ATG14: variants seen among roughly 807,000 people sequenced by gnomAD.
ATG14 encodes the protein autophagy related 14, also known as beclin 1-associated autophagy-related key regulator.
ATG14 carries 35 observed loss-of-function variants against 60.4 expected under a neutral mutation model. The observed-to-expected ratio is 0.58, with a 90% CI of 0.44 to 0.77. ATG14 has a LOEUF of 0.77. Ranked by LOEUF, ATG14 falls within the 30% of genes least tolerant of loss-of-function variation. The pLI is 0.00. For synonymous variants in ATG14, 234 were observed against 228.8 expected (o/e 1.02, Z -0.21); for missense variants, 647 against 626.3 (o/e 1.03, Z -0.35).
chr14:55,393,190 G>C (rs541162585), intron 3 of ATG14, among the ~76,000 whole-genome samples: 3 of 151,800 alleles, frequency 2.0e-5, no homozygotes, highest in South Asian at 2.1e-4. Flanking sequence ...GACCATCCTG[G>C]CTAACACGGT....
At chr14:55,371,728 CCA>C (rs1228936431) in intron 9 of ATG14, among the ~76,000 whole-genome samples, 3 of 152,002 alleles carry the variant, frequency 2.0e-5, no homozygotes, top group African/African-American at 4.8e-5. Context: ...GGTGTGAACC[CCA>C]GAGGCGGAGC....
At chr14:55,387,657 G>A (rs1024883367) in intron 4 of ATG14, among the ~76,000 whole-genome samples, 3 of 152,042 alleles carry the variant, frequency 2.0e-5, no homozygotes, top group East Asian at 1.9e-4. Context: ...TTGGTTGCAC[G>A]CATTAGATTT....
intron 4 of ATG14, 133 bp downstream of exon 4, chr14:55,390,778 G>A: frequency 1.5e-6 from 1 of 645,458 alleles, no homozygotes; most frequent in Non-Finnish European, 2.7e-6. Flanking sequence ...AAAGATGAGG[G>A]CGAGTAGTAA....
At chr14:55,395,905 A>T (rs1346252297) in intron 3 of ATG14, 35 bp downstream of exon 3, 1 of 1,459,988 alleles carries the variant, frequency 6.8e-7, no homozygotes, top group Non-Finnish European at 9.1e-7. Flanking sequence ...AAAAACATGT[A>T]GCCTCAAGTA....
Position 55,395,171 on chromosome 14 carries a change from C to T in ATG14, c.327+769G>A, listed in dbSNP as rs184821330. On this transcript the variant is annotated intron_variant, in intron 3 of 9. Coordinates refer to ENST00000247178, the MANE Select transcript of ATG14 (RefSeq NM_014924.5). ...GAGCAGGTTCAGCTGATAAGCGTGC[C>T]GATCTCCTCTTGGGCTCTTCCTCTG... 72 of 455,718 alleles carry T rather than the reference C, an allele frequency of 1.6e-4. No individual in the cohort carries two copies. The East Asian group carries it at 4.8e-3, about 31-fold the overall frequency. 28.2% of individuals were successfully genotyped at this position (455,718 alleles called of 1,614,324 possible).
chr14:55,405,883 G>A (rs1402774520), intron 1 of ATG14, among the ~76,000 whole-genome samples: 2 of 151,990 alleles, frequency 1.3e-5, no homozygotes, highest in African/African-American at 2.4e-5. Context: ...CCTGGGGGTG[G>A]GGTGGCGGGG....
At position 55,391,348 on chromosome 14, in the gene ATG14, T is replaced by C. The variant is rs182250085; in HGVS notation, c.328-356A>G. On this transcript the variant is annotated intron_variant, in intron 3 of 9. Coordinates refer to ENST00000247178, the MANE Select transcript of ATG14 (RefSeq NM_014924.5). ...AAAATTAGCTGGGCGTGGTGGCGCA[T>C]GCCTGTAATCCCAGCTACTCGGGAG... 3.3e-4 allele frequency: 57 copies of C among 171,308 alleles called. 1 individual carries two copies. In the South Asian group the frequency reaches 6.7e-3, roughly 20 times the overall value. 10.6% of individuals were successfully genotyped at this position (171,308 alleles called of 1,614,324 possible). A position where few individuals can be genotyped will look rare whatever the true frequency, so the allele number is the denominator to read the frequency against.
chr14:55,366,559 A>G lies in ATG14; in HGVS notation c.*3060T>C, dbSNP rs1474791087. On this transcript the variant is annotated 3_prime_UTR_variant, in exon 10 of 10. Coordinates refer to ENST00000247178, the MANE Select transcript of ATG14 (RefSeq NM_014924.5). Reference sequence around the variant, plus strand: ...AGCATGCCACTGAATGCTCTTCCCCAAATTGAGTCCTTACATGAGTCCCGT... The same window carrying G: ...AGCATGCCACTGAATGCTCTTCCCCGAATTGAGTCCTTACATGAGTCCCGT... 1 of 152,518 alleles carries G rather than the reference A, an allele frequency of 6.6e-6. No homozygotes were observed. Among genetic ancestry groups the G allele is most frequent in the South Asian group, 2.1e-4 (1 of 4,822 alleles). The allele number at this position is 152,518 out of a possible 1,614,324, so 9.4% of individuals were successfully genotyped here.
intron 1 of ATG14, among the ~76,000 whole-genome samples, chr14:55,407,528 G>C (rs1048069610): frequency 1.3e-5 from 2 of 152,222 alleles, no homozygotes; most frequent in African/African-American, 2.4e-5. Context: ...GCCTCCCAAA[G>C]TGCTGGGATT....
rs139612464 is a variant in ATG14, at chr14:55,387,691, C to T, written c.410-1595G>A. Among the ~76,000 whole-genome samples, 71 of 152,168 alleles carry T rather than the reference C, an allele frequency of 4.7e-4. No individual in the cohort carries two copies. The East Asian group carries it at 8.8e-3, about 19-fold the overall frequency. On this transcript the variant is annotated intron_variant, in intron 4 of 9. Coordinates refer to ENST00000247178, the MANE Select transcript of ATG14 (RefSeq NM_014924.5). ...TTCTGACAGTTTTTTCGTTTTGAGA[C>T]GGAGTTTCGCTCTTGTTGCCCAGGC...
intron 1 of ATG14, among the ~76,000 whole-genome samples, chr14:55,410,000 A>G (rs570798914): frequency 8.2e-4 from 124 of 152,014 alleles, no homozygotes; most frequent in Non-Finnish European, 1.1e-3. Context: ...TTGTTGTAAG[A>G]TAAGTTTTGA....
intron 1 of ATG14, among the ~76,000 whole-genome samples, chr14:55,398,567 C>A (rs996733868): frequency 1.3e-5 from 2 of 152,098 alleles, no homozygotes; most frequent in Non-Finnish European, 2.9e-5. Flanking sequence ...GATATACAGG[C>A]TTTTCTAGGT....
At position 55,411,815 on chromosome 14, in the gene ATG14, G is replaced by A. The variant is rs369886245; in HGVS notation, c.8C>T (p.Ser3Phe). 7.5e-6 allele frequency: 12 copies of A among 1,593,820 alleles called. No individual in the cohort carries two copies. The South Asian group carries it at 7.9e-5, about 11-fold the overall frequency. Reference sequence around the variant, plus strand: ...CGCCCGGGCTCCCTTCCCACTGGGAGACGCCATGATGGCCTGAGAGGAGAG... The same window carrying A: ...CGCCCGGGCTCCCTTCCCACTGGGAAACGCCATGATGGCCTGAGAGGAGAG... The part of the protein sequence containing the change: MA[S>F]PSGKGARALE... The change falls in exon 1 of 10, where the codon TCT (serine) becomes TTT (phenylalanine). Residue 3 changes from serine (S) to phenylalanine (F), a missense_variant. By Grantham distance (155) the Ser-to-Phe change is radical. Coordinates refer to ENST00000247178, the MANE Select transcript of ATG14 (RefSeq NM_014924.5).
chr14:55,390,921 T>G lies in ATG14; in HGVS notation c.399A>C (p.Glu133Asp). The change falls in exon 4 of 10, where the codon GAA becomes GAC. Residue 133 changes from glutamate to aspartate, a missense_variant. By Grantham distance (45) the Glu-to-Asp change is conservative (BLOSUM62 2). Coordinates refer to ENST00000247178, the MANE Select transcript of ATG14 (RefSeq NM_014924.5). Reference protein sequence around the residue: ...LKQTICKGNEEMEKNSEGLLK... With the variant: ...LKQTICKGNEDMEKNSEGLLK... ...ACACGAATTACTTACTTTTCTCCATTTCTTCATTTCCTTTACATATTGTTT... is the reference window on the plus strand; with the variant it reads ...ACACGAATTACTTACTTTTCTCCATGTCTTCATTTCCTTTACATATTGTTT... 6.3e-7 allele frequency: 1 copy of G among 1,595,036 alleles called. No individual in the cohort carries two copies. The highest frequency in any genetic ancestry group is 8.6e-7 in the Non-Finnish European group (1 of 1,166,778).
chr14:55,382,889 G>A (rs1885059546), intron 5 of ATG14, among the ~76,000 whole-genome samples: 1 of 151,956 alleles, frequency 6.6e-6, no homozygotes, highest in Non-Finnish European at 1.5e-5. Flanking sequence ...GAAATACTGA[G>A]AAAAATATAA....
In ATG14 at chr14:55,382,103, G is replaced by A. The variant is rs770721028; in HGVS notation, c.736C>T (p.Leu246Phe). The A allele has an allele frequency of 3.5e-5, 57 of 1,614,092 alleles. No individual in the cohort carries two copies. Among genetic ancestry groups the A allele is most frequent in the Non-Finnish European group, 4.8e-5 (57 of 1,180,012 alleles). ...TCGTCACAGACCCATCGTCCTGAGA[G>A]GTAAGTTGTCCTCCGGGCTTCAGCA... is the stretch of plus-strand genomic sequence containing the variant. ...KLAEARRTTY[L>F]SGRWVCDDHN... Residue 246 changes from leucine (L) to phenylalanine (F), a missense_variant, in exon 6 of 10, where the codon CTC becomes TTC. Transcript: ENST00000247178.
intron 7 of ATG14, among the ~76,000 whole-genome samples, chr14:55,378,726 T>C (rs561677654): frequency 3.3e-5 from 5 of 152,182 alleles, no homozygotes; most frequent in Admixed American, 2.0e-4. Context: ...TTAGGCAGGG[T>C]CTCACTCTGT....
At position 55,369,430 on chromosome 14, in the gene ATG14, T is replaced by C; in HGVS notation, c.*189A>G. ...CCTGTTCTCTTAATTATCATAAGCA[T>C]GTTGGTCACCATCACAGGCCACTTG... On this transcript the variant is annotated 3_prime_UTR_variant, in exon 10 of 10. Coordinates refer to ENST00000247178, the MANE Select transcript of ATG14 (RefSeq NM_014924.5). 2.1e-6 allele frequency: 1 copy of C among 486,424 alleles called. No individual in the cohort carries two copies. The highest frequency in any genetic ancestry group is 3.5e-6 in the Non-Finnish European group (1 of 288,280). 30.1% of individuals were successfully genotyped at this position (486,424 alleles called of 1,614,324 possible).
chr14:55,397,262 C>A, intron 2 of ATG14, 110 bp downstream of exon 2: 1 of 956,650 alleles, frequency 1.0e-6, no homozygotes, highest in Non-Finnish European at 1.7e-6. Context: ...GAGGTTGTAT[C>A]CTAAATTCAG....
Sources: allele counts gnomAD v4.1 joint callset (sites outside exome capture counted in the v4.1 genomes callset), GRCh38; gene constraint gnomAD v4.1.1; transcripts MANE v1.5; gene names NCBI Gene and HGNC (gene_info 2026-07-23, HGNC 2026-07-21).